TNIK: variants seen among roughly 807,000 people sequenced by gnomAD.
TNIK encodes TRAF2 and NCK-interacting protein kinase.
TNIK carries 49 observed loss-of-function variants against 191.3 expected under a neutral mutation model. The ratio of observed to expected loss-of-function variants is 0.26; its 90% CI spans 0.20 to 0.32. The LOEUF is 0.32. Among genes scored for constraint, TNIK ranks in the 10% least tolerant of loss-of-function variants. The probability of loss-of-function intolerance (pLI) is 1.00; values close to 1 mark genes in which losing one functional copy is unlikely to be tolerated. For synonymous variants in TNIK, 594 were observed against 600.9 expected, an observed-to-expected ratio of 0.99 and a Z score of 0.17; for missense variants, 1,155 against 1,702.3, an observed-to-expected ratio of 0.68 and a Z score of 5.66.
chr3:171,190,837 G>T (rs1178632838), intron 5 of TNIK, 50 bp from the exon 6 acceptor site: 11 of 1,382,592 alleles, frequency 8.0e-6, no homozygotes, highest in Non-Finnish European at 1.1e-5. Context: ...AAGCCAAGAT[G>T]CCAATAAATT....
chr3:171,201,309 G>A (rs1389279976), intron 4 of TNIK, among the ~76,000 whole-genome samples: 3 of 152,156 alleles, frequency 2.0e-5, no homozygotes, highest in Non-Finnish European at 2.9e-5. Flanking sequence ...TGAGGCAGGA[G>A]AATTGCTTGA....
chr3:171,080,604 A>G (rs1227885419), intron 27 of TNIK, among the ~76,000 whole-genome samples: 2 of 151,952 alleles, frequency 1.3e-5, no homozygotes, highest in African/African-American at 4.8e-5. Context: ...ATGCTCAGCT[A>G]ATTTTTATAT....
intron 2 of TNIK, among the ~76,000 whole-genome samples, chr3:171,306,214 GGGAGGAGGTTA>G (rs1337736449): frequency 6.6e-6 from 1 of 152,124 alleles, no homozygotes; most frequent in African/African-American, 2.4e-5. Flanking sequence ...GCCTACTTGA[GGGAGGAGGTTA>G]GGAGGAGGGA....
At chr3:171,329,120 C>T (rs1345281669) in intron 2 of TNIK, among the ~76,000 whole-genome samples, 1 of 152,036 alleles carries the variant, frequency 6.6e-6, no homozygotes, top group Non-Finnish European at 1.5e-5. Context: ...ACTCCTTACA[C>T]CCTATTTTAT....
chr3:171,352,233 G>A (rs1047291141), intron 2 of TNIK, among the ~76,000 whole-genome samples: 1 of 152,124 alleles, frequency 6.6e-6, no homozygotes, highest in African/African-American at 2.4e-5. Flanking sequence ...TTCATCCTGG[G>A]TTCTCATCCA....
intron 1 of TNIK, among the ~76,000 whole-genome samples, chr3:171,387,860 G>C (rs973638746): frequency 6.6e-6 from 1 of 152,024 alleles, no homozygotes; most frequent in African/African-American, 2.4e-5. Flanking sequence ...TGGGGATAGA[G>C]TGATTGTATG....
intron 1 of TNIK, among the ~76,000 whole-genome samples, chr3:171,429,988 T>G (rs1164317922): frequency 6.6e-6 from 1 of 152,150 alleles, no homozygotes; most frequent in East Asian, 1.9e-4. Flanking sequence ...ATGCAAATTT[T>G]GGGGACCCAT....
Position 171,126,627 on chromosome 3 carries a change from G to A in TNIK, c.1774-476C>T, listed in dbSNP as rs181912358. Among the ~76,000 whole-genome samples, 21 of 152,144 alleles carry A rather than the reference G, an allele frequency of 1.4e-4. No individual in the cohort carries two copies. In the East Asian group the frequency reaches 2.1e-3, roughly 15 times the overall value. ...ACAGTCATTTCCCTCATTTTACACC[G>A]GAGCAATGTAAGGTGTAGAGAGGTT... On this transcript the variant is annotated intron_variant, in intron 16 of 32. Coordinates refer to ENST00000436636, the MANE Select transcript of TNIK (RefSeq NM_015028.4).
At chr3:171,194,386 T>A in intron 5 of TNIK, 139 bp downstream of exon 5, 1 of 741,036 alleles carries the variant, frequency 1.3e-6, no homozygotes, top group Non-Finnish European at 2.3e-6. Flanking sequence ...CCACCACCAC[T>A]GATAGGATAA....
At chr3:171,121,152 T>C (rs571453111) in intron 18 of TNIK, among the ~76,000 whole-genome samples, 14 of 152,196 alleles carry the variant, frequency 9.2e-5, no homozygotes, top group Non-Finnish European at 1.5e-4. Flanking sequence ...AAACAGAATA[T>C]TGACCAAGTA....
intron 2 of TNIK, among the ~76,000 whole-genome samples, chr3:171,311,816 A>T (rs1317315040): frequency 6.6e-6 from 1 of 152,164 alleles, no homozygotes; most frequent in Non-Finnish European, 1.5e-5. Context: ...CCCATCATTA[A>T]TATTTCCCTC....
chr3:171,240,591 A>G (rs552560710), intron 2 of TNIK, among the ~76,000 whole-genome samples: 1 of 152,120 alleles, frequency 6.6e-6, no homozygotes, highest in East Asian at 1.9e-4. Flanking sequence ...TTGCAGGTCT[A>G]GTTTCCTTCT....
chr3:171,443,958 T>A (rs1370065346), intron 1 of TNIK, among the ~76,000 whole-genome samples: 1 of 152,244 alleles, frequency 6.6e-6, no homozygotes, highest in African/African-American at 2.4e-5. Flanking sequence ...TAACCAGGTA[T>A]TTTTTATATC....
chr3:171,300,078 C>A (rs1298985022), intron 2 of TNIK, among the ~76,000 whole-genome samples: 1 of 152,224 alleles, frequency 6.6e-6, no homozygotes, highest in Non-Finnish European at 1.5e-5. Context: ...AAAGAAGTCT[C>A]ACAAAGATAA....
intron 2 of TNIK, among the ~76,000 whole-genome samples, chr3:171,319,734 G>T (rs1281965074): frequency 6.6e-6 from 1 of 152,144 alleles, no homozygotes; most frequent in Admixed American, 6.6e-5. Flanking sequence ...AAAGGAACGA[G>T]ACCTTTTTAA....
intron 1 of TNIK, among the ~76,000 whole-genome samples, chr3:171,374,080 G>A (rs1366875196): frequency 6.6e-6 from 1 of 152,162 alleles, no homozygotes; most frequent in African/African-American, 2.4e-5. Context: ...TACTGAATAA[G>A]GTTGATGTCC....
chr3:171,307,488 T>C (rs1272213340), intron 2 of TNIK, among the ~76,000 whole-genome samples: 2 of 152,204 alleles, frequency 1.3e-5, no homozygotes, highest in East Asian at 3.8e-4. Context: ...TAACCTAATC[T>C]GTGCAAAATA....
At chr3:171,424,340 C>T (rs1724241428) in intron 1 of TNIK, among the ~76,000 whole-genome samples, 1 of 152,160 alleles carries the variant, frequency 6.6e-6, no homozygotes, top group Non-Finnish European at 1.5e-5. Flanking sequence ...ACAACAGGTG[C>T]TGGAGAGGAT....
At chr3:171,169,424 C>A (rs914801679) in intron 9 of TNIK, among the ~76,000 whole-genome samples, 5 of 152,064 alleles carry the variant, frequency 3.3e-5, no homozygotes, top group Non-Finnish European at 7.4e-5. Flanking sequence ...TATGACACCA[C>A]ACCTGGATAA....
Sources: gnomAD v4.1 joint callset for allele counts (sites outside exome capture counted in the v4.1 genomes callset) on GRCh38, gnomAD v4.1.1 for gene constraint, MANE v1.5 for transcripts, NCBI Gene and HGNC (gene_info 2026-07-23, HGNC 2026-07-21) for gene names.